Variants in IGSF21 observed in about 807,000 individuals in gnomAD.
The protein encoded by IGSF21 is immunoglobin superfamily member 21.
In IGSF21, 28 loss-of-function variants were observed where a neutral mutation model predicts 46.8. The observed-to-expected ratio is 0.60, with a 90% CI of 0.44 to 0.82. IGSF21 has a LOEUF of 0.82. Among genes scored for constraint, IGSF21 ranks in the 40% least tolerant of loss-of-function variants. IGSF21 has a pLI of 0.00. For missense variants in IGSF21, 624 were observed against 665.5 expected, an observed-to-expected ratio of 0.94 and a Z score of 0.69; for synonymous variants, 284 against 273.6, an observed-to-expected ratio of 1.04 and a Z score of -0.38.
chr1:18,237,281 GA>G (rs1472732477), intron 2 of IGSF21, among the ~76,000 whole-genome samples: 1 of 152,170 alleles, frequency 6.6e-6, no homozygotes, highest in South Asian at 2.1e-4. Context: ...GGCCTTGGAT[GA>G]CAACTATTCC....
intron 2 of IGSF21, among the ~76,000 whole-genome samples, chr1:18,239,250 G>GAA (rs139075870): frequency 4.6e-5 from 7 of 151,094 alleles, no homozygotes; most frequent in African/African-American, 1.5e-4. Flanking sequence ...GCACACCAGT[G>GAA]AAAAGAAAAG....
rs936436268 is a variant in IGSF21, at chr1:18,231,922, C to T, written c.183+3912C>T. Among the ~76,000 whole-genome samples the T allele has an allele frequency of 1.1e-3, 152 of 136,520 alleles. 1 individual carries two copies. The highest frequency in any genetic ancestry group is 3.7e-3 in the Middle Eastern group (1 of 268). 89.6% of individuals were successfully genotyped at this position (136,520 alleles called of 152,430 possible). Reference sequence around the variant, plus strand: ...ATTTGGTAACCTGACATCATTAGATCGTGTGTGTGTGTGTGTGTGTGTGTG... The same window carrying T: ...ATTTGGTAACCTGACATCATTAGATTGTGTGTGTGTGTGTGTGTGTGTGTG... On this transcript the variant is annotated intron_variant, in intron 2 of 9. Coordinates refer to ENST00000251296, the MANE Select transcript of IGSF21 (RefSeq NM_032880.5).
intron 6 of IGSF21, chr1:18,375,993 C>A: frequency 3.8e-6 from 1 of 263,584 alleles, no homozygotes; most frequent in African/African-American, 2.2e-5. Flanking sequence ...TCTTGTCCCT[C>A]ATGGCACTGG....
At chr1:18,275,426 T>A (rs2085091012) in intron 2 of IGSF21, among the ~76,000 whole-genome samples, 1 of 152,094 alleles carries the variant, frequency 6.6e-6, no homozygotes, top group South Asian at 2.1e-4. Flanking sequence ...AGCCTGGCTG[T>A]GATGAGAAGC....
At chr1:18,147,489 C>T (rs1029679335) in intron 1 of IGSF21, among the ~76,000 whole-genome samples, 3 of 152,026 alleles carry the variant, frequency 2.0e-5, no homozygotes, top group Admixed American at 6.6e-5. Context: ...TAAAAAGCAC[C>T]GAGAAATACC....
Position 18,348,862 on chromosome 1 carries a change from C to A in IGSF21, c.425-13253C>A, listed in dbSNP as rs2085922059. Among the ~76,000 whole-genome samples the A allele has an allele frequency of 2.6e-5, 4 of 152,148 alleles. No homozygotes were observed. In the South Asian group the frequency reaches 8.3e-4, roughly 32 times the overall value. On this transcript the variant is annotated intron_variant, in intron 4 of 9. Transcript: ENST00000251296. ...ACTTTGCTGCCAACTTGCAGTGAAT[C>A]CCTGGACTCAGTTTCCCCATCTGCA...
At chr1:18,140,954 G>C (rs555483847) in intron 1 of IGSF21, among the ~76,000 whole-genome samples, 181 of 152,312 alleles carry the variant, frequency 1.2e-3, no homozygotes, top group Non-Finnish European at 2.0e-3. Context: ...TGCTCCCTGT[G>C]GCCTTTGACC....
intron 5 of IGSF21, 64 bp downstream of exon 5, chr1:18,362,294 C>A: frequency 3.3e-6 from 4 of 1,195,508 alleles, no homozygotes; most frequent in Non-Finnish European, 4.9e-6. Context: ...CGGGGCTGGT[C>A]CAGCTGCAGG....
At chr1:18,347,885 G>A (rs1211451749) in intron 4 of IGSF21, among the ~76,000 whole-genome samples, 1 of 152,162 alleles carries the variant, frequency 6.6e-6, no homozygotes, top group African/African-American at 2.4e-5. Context: ...ATATTTGTGA[G>A]CACCTACTGT....
chr1:18,271,534 G>A (rs758832686), intron 2 of IGSF21, among the ~76,000 whole-genome samples: 1 of 152,198 alleles, frequency 6.6e-6, no homozygotes, highest in Admixed American at 6.5e-5. Flanking sequence ...AAAAATCTAT[G>A]TCAGCAAATC....
intron 1 of IGSF21, among the ~76,000 whole-genome samples, chr1:18,146,849 TAA>T (rs2086471310): frequency 1.3e-5 from 2 of 152,068 alleles, no homozygotes; most frequent in Non-Finnish European, 2.9e-5. Context: ...ATGAGGAAAG[TAA>T]GACTCAGAGG....
intron 2 of IGSF21, among the ~76,000 whole-genome samples, chr1:18,277,886 G>A (rs927451529): frequency 2.1e-4 from 32 of 152,296 alleles, no homozygotes; most frequent in Admixed American, 1.7e-3. Context: ...GGGAAGGAGC[G>A]GAGGGAATTT....
In IGSF21 at chr1:18,365,258, A is replaced by T. The variant is rs377535710; in HGVS notation, c.576A>T (p.Ala192=). 2 of 1,611,766 alleles carry T rather than the reference A, an allele frequency of 1.2e-6. No homozygotes were observed. Among genetic ancestry groups the T allele is most frequent in the African/African-American group, 2.7e-5 (2 of 74,818 alleles). Residue 192 remains alanine, a synonymous_variant, in exon 6 of 10, where the codon GCA becomes GCT. Coordinates refer to ENST00000251296, the MANE Select transcript of IGSF21 (RefSeq NM_032880.5). This position sits in a 1 kb window ranked among gnomAD's most constrained non-coding sequence, Gnocchi z 4.8. ...YFKRDGEPID[A]VPLSEPPAAS... Reference sequence around the variant, plus strand: ...AACGAGATGGGGAACCAATCGACGCAGTGCCCCTATCAGAGCCACCAGCTG... The same window carrying T: ...AACGAGATGGGGAACCAATCGACGCTGTGCCCCTATCAGAGCCACCAGCTG...
intron 4 of IGSF21, among the ~76,000 whole-genome samples, chr1:18,353,694 G>A (rs1357205090): frequency 6.6e-6 from 1 of 152,220 alleles, no homozygotes; most frequent in African/African-American, 2.4e-5. Flanking sequence ...AAAGCTGAGT[G>A]AAAGACTTCA....
rs548034038 is a variant in IGSF21 at position 18,184,018 on chromosome 1, C to T, written c.71-43880C>T. Among the ~76,000 whole-genome samples the T allele has an allele frequency of 1.5e-4, 23 of 152,220 alleles. 1 individual carries two copies. The East Asian group carries it at 3.7e-3, about 24-fold the overall frequency. On this transcript the variant is annotated intron_variant, in intron 1 of 9. Transcript: ENST00000251296. ...TTTGCCGAACACCAGTTCAAGCATT[C>T]ACAAGGTAACACAGGATAGTGTCAA...
At chr1:18,348,073 A>T (rs2085913079) in intron 4 of IGSF21, among the ~76,000 whole-genome samples, 1 of 152,224 alleles carries the variant, frequency 6.6e-6, no homozygotes, top group African/African-American at 2.4e-5. Flanking sequence ...TTTAATCCTC[A>T]CAATCCTTAG....
At chr1:18,110,392 T>C (rs2086132494) in intron 1 of IGSF21, 1 of 152,384 alleles carries the variant, frequency 6.6e-6, no homozygotes, top group African/African-American at 2.4e-5. Flanking sequence ...AGGCGGGCTG[T>C]GCCGGAGGAG....
At chr1:18,339,060 A>C (rs1428555685) in intron 4 of IGSF21, among the ~76,000 whole-genome samples, 1 of 152,162 alleles carries the variant, frequency 6.6e-6, no homozygotes, top group African/African-American at 2.4e-5. Context: ...GGGCCCTTTC[A>C]ACCCAAAGCT....
chr1:18,235,394 A>G (rs1321085197), intron 2 of IGSF21, among the ~76,000 whole-genome samples: 1 of 152,236 alleles, frequency 6.6e-6, no homozygotes, highest in East Asian at 1.9e-4. Context: ...TAAACAAATA[A>G]GGAAGATACC....
Sources: allele counts gnomAD v4.1 joint callset (sites outside exome capture counted in the v4.1 genomes callset), GRCh38; gene constraint gnomAD v4.1.1; non-coding constraint Gnocchi (gnomAD v3.1); transcripts MANE v1.5; gene names NCBI Gene and HGNC (gene_info 2026-07-23, HGNC 2026-07-21).